NR3C2: variants seen among roughly 807,000 people sequenced by gnomAD.
The protein encoded by NR3C2 is mineralocorticoid receptor.
A neutral mutation model predicts 86.4 loss-of-function variants in NR3C2; 15 were observed. That is an observed-to-expected ratio of 0.17 (90% CI 0.12 to 0.27). The LOEUF is 0.27. Ranked by LOEUF, NR3C2 falls within the 10% of genes least tolerant of loss-of-function variation. The pLI is 1.00. For missense variants in NR3C2, 960 were observed against 1,195.6 expected, an observed-to-expected ratio of 0.80 and a Z score of 2.91; for synonymous variants, 458 against 450.5, an observed-to-expected ratio of 1.02 and a Z score of -0.21.
chr4:148,152,114 A>C (rs1297110814), intron 6 of NR3C2, among the ~76,000 whole-genome samples: 1 of 152,188 alleles, frequency 6.6e-6, no homozygotes, highest in Non-Finnish European at 1.5e-5. Context: ...CATTTCCTAG[A>C]AATTAGATTG....
At chr4:148,210,604 A>C (rs995368636) in intron 3 of NR3C2, among the ~76,000 whole-genome samples, 3 of 152,128 alleles carry the variant, frequency 2.0e-5, no homozygotes, top group African/African-American at 7.2e-5. Context: ...CATATTCCCA[A>C]AGGGGAAAAA....
intron 2 of NR3C2, among the ~76,000 whole-genome samples, chr4:148,408,812 T>G (rs960690569): frequency 6.6e-6 from 1 of 152,200 alleles, no homozygotes; most frequent in Non-Finnish European, 1.5e-5. Context: ...TTTAAGACTG[T>G]GTATTTCTGC....
At chr4:148,177,595 T>C (rs948920329) in intron 4 of NR3C2, among the ~76,000 whole-genome samples, 1 of 152,220 alleles carries the variant, frequency 6.6e-6, no homozygotes, top group African/African-American at 2.4e-5. Flanking sequence ...TATTCCTCAG[T>C]GGACACACCT....
intron 2 of NR3C2, among the ~76,000 whole-genome samples, chr4:148,411,458 C>T (rs769082275): frequency 7.2e-5 from 11 of 152,178 alleles, no homozygotes; most frequent in Non-Finnish European, 1.0e-4. Flanking sequence ...CCCTCCCTCT[C>T]CAGGGTCAAG....
At chr4:148,168,771 G>A (rs1465233011) in intron 4 of NR3C2, among the ~76,000 whole-genome samples, 4 of 151,992 alleles carry the variant, frequency 2.6e-5, no homozygotes, top group African/African-American at 7.2e-5. Context: ...CAGAATTACC[G>A]TGAGAAGCTA....
intron 3 of NR3C2, among the ~76,000 whole-genome samples, chr4:148,210,868 CCTTT>C (rs754236310): frequency 7.2e-5 from 11 of 152,208 alleles, no homozygotes; most frequent in Non-Finnish European, 1.6e-4. Flanking sequence ...GAAATTAAAG[CCTTT>C]CTAAGTTTCT....
intron 2 of NR3C2, among the ~76,000 whole-genome samples, chr4:148,283,464 ACT>A (rs1741350935): frequency 1.3e-5 from 2 of 152,112 alleles, no homozygotes; most frequent in Admixed American, 6.5e-5. Flanking sequence ...GACCCCAATA[ACT>A]CTCAGTGTTT....
chr4:148,433,447 A>C (rs1252298241), intron 2 of NR3C2, among the ~76,000 whole-genome samples: 1 of 152,168 alleles, frequency 6.6e-6, no homozygotes, highest in African/African-American at 2.4e-5. Context: ...GATTCTGTGG[A>C]ATTTCATACA....
intron 2 of NR3C2, among the ~76,000 whole-genome samples, chr4:148,312,064 TA>T (rs1263337105): frequency 7.2e-6 from 1 of 138,616 alleles, no homozygotes; most frequent in Non-Finnish European, 1.5e-5. Flanking sequence ...TATCACCATT[TA>T]ACATATCACA....
At chr4:148,256,458 T>C (rs1228092622) in intron 3 of NR3C2, among the ~76,000 whole-genome samples, 1 of 152,218 alleles carries the variant, frequency 6.6e-6, no homozygotes, top group Non-Finnish European at 1.5e-5. Flanking sequence ...TTATAATTTA[T>C]AAAATCTGTA....
chr4:148,295,207 G>C lies in NR3C2; in HGVS notation c.1758-35090C>G, dbSNP rs922782062. ...AAATGAAAGTTTTTCTTCAGAATAAGCTACACTGTCAGATCTTTTTTTGGA... is the reference window on the plus strand; with the variant it reads ...AAATGAAAGTTTTTCTTCAGAATAACCTACACTGTCAGATCTTTTTTTGGA... On this transcript the variant is annotated intron_variant, in intron 2 of 8. Coordinates refer to ENST00000358102, the MANE Select transcript of NR3C2 (RefSeq NM_000901.5). 2.6e-5 allele frequency among the ~76,000 whole-genome samples: 4 copies of C among 152,142 alleles called. No homozygotes were observed. The South Asian group carries it at 6.2e-4, about 24-fold the overall frequency.
chr4:148,262,522 C>T (rs1474073458), intron 2 of NR3C2, among the ~76,000 whole-genome samples: 2 of 152,134 alleles, frequency 1.3e-5, no homozygotes, highest in Admixed American at 6.5e-5. Context: ...CAAACGTGTT[C>T]ATTTCACAGA....
chr4:148,078,975 G>A lies in NR3C2; in HGVS notation c.*2369C>T, dbSNP rs1254548952. 2 of 152,496 alleles carry A rather than the reference G, an allele frequency of 1.3e-5. No homozygotes were observed. Among genetic ancestry groups the A allele is most frequent in the East Asian group, 3.8e-4 (2 of 5,196 alleles). The allele number at this position is 152,496 out of a possible 1,614,324, so 9.4% of individuals were successfully genotyped here. A position where few individuals can be genotyped will look rare whatever the true frequency, so the allele number is the denominator to read the frequency against. Reference sequence around the variant, plus strand: ...AAGAGCAGACAGACAATTTGGACTGGGACAGGCATTCAACAGTGAATTTAG... The same window carrying A: ...AAGAGCAGACAGACAATTTGGACTGAGACAGGCATTCAACAGTGAATTTAG... On this transcript the variant is annotated 3_prime_UTR_variant, in exon 9 of 9. Coordinates refer to ENST00000358102, the MANE Select transcript of NR3C2 (RefSeq NM_000901.5).
At chr4:148,155,020 C>A in intron 4 of NR3C2, 119 bp from the exon 5 acceptor site, 3 of 803,552 alleles carry the variant, frequency 3.7e-6, no homozygotes, top group Non-Finnish European at 6.2e-6. Context: ...AGGAACATGA[C>A]CGTTTATTCC....
chr4:148,434,631 T>C (rs549131795), intron 2 of NR3C2, among the ~76,000 whole-genome samples: 18 of 152,244 alleles, frequency 1.2e-4, no homozygotes, highest in South Asian at 4.1e-4. Context: ...GGGTAACAGA[T>C]ACAGGATTCA....
intron 2 of NR3C2, among the ~76,000 whole-genome samples, chr4:148,398,988 G>A (rs1345477955): frequency 6.6e-6 from 1 of 152,210 alleles, no homozygotes; most frequent in African/African-American, 2.4e-5. Flanking sequence ...TAAAAACACT[G>A]GAAGAATATT....
intron 2 of NR3C2, among the ~76,000 whole-genome samples, chr4:148,318,273 C>T (rs1302152638): frequency 2.0e-5 from 3 of 151,544 alleles, no homozygotes; most frequent in Admixed American, 2.0e-4. Context: ...TCCAGTCTAT[C>T]ATTGTTGGAC....
intron 2 of NR3C2, among the ~76,000 whole-genome samples, chr4:148,323,201 GGTC>G: frequency 8.2e-6 from 1 of 121,570 alleles, no homozygotes; most frequent in Admixed American, 9.4e-5. Context: ...GGGGGTCAGG[GGTC>G]AGGGACCCAC....
intron 3 of NR3C2, among the ~76,000 whole-genome samples, chr4:148,223,374 A>G (rs1251305053): frequency 6.6e-6 from 1 of 152,124 alleles, no homozygotes; most frequent in East Asian, 1.9e-4. Context: ...TTGTTTTCAT[A>G]CAGATTTTTT....
Sources: allele counts gnomAD v4.1 joint callset (sites outside exome capture counted in the v4.1 genomes callset), GRCh38; gene constraint gnomAD v4.1.1; transcripts MANE v1.5; gene names NCBI Gene and HGNC (gene_info 2026-07-23, HGNC 2026-07-21).